Variants in LRMDA observed in about 807,000 individuals in gnomAD.
LRMDA encodes the protein leucine-rich melanocyte differentiation-associated protein.
A neutral mutation model predicts 29.8 loss-of-function variants in LRMDA; 18 were observed. That is an observed-to-expected ratio of 0.60 (90% confidence interval 0.42 to 0.90). LRMDA has a LOEUF of 0.90. LRMDA is among the 40% of genes least tolerant of loss of function. LRMDA has a pLI of 0.00. For missense variants in LRMDA, 273 were observed against 273.9 expected, an observed-to-expected ratio of 1.00 and a Z score of 0.02; for synonymous variants, 125 against 109.4, an observed-to-expected ratio of 1.14 and a Z score of -0.89.
intron 5 of LRMDA, among the ~76,000 whole-genome samples, chr10:76,290,165 C>T (rs973172244): frequency 1.9e-4 from 29 of 152,170 alleles, no homozygotes; most frequent in African/African-American, 6.8e-4. Context: ...CCTAAATACT[C>T]CCAAACTTTA....
chr10:76,513,820 G>T (rs571745940), intron 6 of LRMDA, among the ~76,000 whole-genome samples: 1 of 152,258 alleles, frequency 6.6e-6, no homozygotes, highest in South Asian at 2.1e-4. Flanking sequence ...GGATAGGCAG[G>T]TCAGGTATGT....
At chr10:75,533,665 C>T (rs1845504669) in intron 2 of LRMDA, among the ~76,000 whole-genome samples, 1 of 152,154 alleles carries the variant, frequency 6.6e-6, no homozygotes, top group African/African-American at 2.4e-5. Context: ...AACTTTGAAG[C>T]TTATTCTCTG....
At chr10:75,841,978 G>A (rs1236693816) in intron 2 of LRMDA, among the ~76,000 whole-genome samples, 2 of 152,128 alleles carry the variant, frequency 1.3e-5, no homozygotes, top group Non-Finnish European at 2.9e-5. Context: ...TGAACTCATC[G>A]CTTGTTTAAA....
intron 6 of LRMDA, among the ~76,000 whole-genome samples, chr10:76,388,078 G>C (rs1841681433): frequency 6.6e-6 from 1 of 152,192 alleles, no homozygotes. Flanking sequence ...TACCATGCTA[G>C]ATCCTGTAAC....
intron 5 of LRMDA, among the ~76,000 whole-genome samples, chr10:76,161,641 C>T (rs1005395689): frequency 2.0e-5 from 3 of 152,144 alleles, no homozygotes; most frequent in Admixed American, 1.3e-4. Flanking sequence ...CAGACTACAA[C>T]GCATGAAACA....
In LRMDA at chr10:75,913,103, G is replaced by A. The variant is rs1253845881; in HGVS notation, c.132-122905G>A. 2.6e-5 allele frequency among the ~76,000 whole-genome samples: 4 copies of A among 152,114 alleles called. No individual in the cohort carries two copies. The East Asian group carries it at 7.7e-4, about 29-fold the overall frequency. On this transcript the variant is annotated intron_variant, in intron 2 of 6. Coordinates refer to ENST00000611255, the MANE Select transcript of LRMDA (RefSeq NM_001305581.2). ...TCCCTTCCCACCTAAAAAACTGCTA[G>A]TAGTTTTTTTTCTTAATGATTAGAT...
Position 76,028,617 on chromosome 10 carries a change from CA to C in LRMDA, c.132-7385del, listed in dbSNP as rs370612851. Among the ~76,000 whole-genome samples the C allele has an allele frequency of 2.8e-4, 43 of 151,688 alleles. No homozygotes were observed. In the East Asian group the frequency reaches 5.0e-3, roughly 18 times the overall value. On this transcript the variant is annotated intron_variant, in intron 2 of 6. Transcript: ENST00000611255. ...AACATCTCCTTAACCAAGCCACTGG[CA>C]AAAAACAAAAACAACAAAAAACAAA...
intron 2 of LRMDA, among the ~76,000 whole-genome samples, chr10:75,563,327 C>G (rs998629470): frequency 6.6e-6 from 1 of 152,202 alleles, no homozygotes; most frequent in East Asian, 1.9e-4. Context: ...TGCATTGGCT[C>G]CTGAGGCTTC....
At chr10:75,719,017 A>T (rs1053535141) in intron 2 of LRMDA, among the ~76,000 whole-genome samples, 3 of 152,232 alleles carry the variant, frequency 2.0e-5, no homozygotes, top group Non-Finnish European at 2.9e-5. Context: ...CATCAGAAAG[A>T]TCCCTAAGAG....
intron 2 of LRMDA, among the ~76,000 whole-genome samples, chr10:75,587,671 C>T (rs1840673536): frequency 6.6e-6 from 1 of 152,202 alleles, no homozygotes; most frequent in Non-Finnish European, 1.5e-5. Context: ...TAACTTGAAC[C>T]TGGAAAGAAT....
At chr10:76,137,627 G>C (rs1197445639) in intron 5 of LRMDA, among the ~76,000 whole-genome samples, 1 of 152,066 alleles carries the variant, frequency 6.6e-6, no homozygotes, top group Non-Finnish European at 1.5e-5. Context: ...CTGTAGCTAG[G>C]CCCTTCCTTT....
At chr10:75,867,225 C>T (rs1845034820) in intron 2 of LRMDA, among the ~76,000 whole-genome samples, 1 of 152,052 alleles carries the variant, frequency 6.6e-6, no homozygotes. Context: ...TGCAGTGGTG[C>T]AATCTCAGCT....
intron 2 of LRMDA, among the ~76,000 whole-genome samples, chr10:75,995,041 T>C (rs1318976080): frequency 6.6e-6 from 1 of 152,194 alleles, no homozygotes; most frequent in African/African-American, 2.4e-5. Context: ...CCATTATATA[T>C]TTTGGAATGC....
At chr10:75,505,546 C>T (rs1485755859) in intron 2 of LRMDA, among the ~76,000 whole-genome samples, 8 of 152,300 alleles carry the variant, frequency 5.3e-5, no homozygotes, top group East Asian at 1.9e-4. Context: ...TCATTTTGTG[C>T]TGTTTAGATC....
chr10:75,668,536 C>A (rs1446516464), intron 2 of LRMDA, among the ~76,000 whole-genome samples: 1 of 152,154 alleles, frequency 6.6e-6, no homozygotes, highest in Non-Finnish European at 1.5e-5. Flanking sequence ...AGTGTAATGC[C>A]ATGAAGACAA....
At chr10:76,261,087 C>T (rs147234377) in intron 5 of LRMDA, among the ~76,000 whole-genome samples, 6,579 of 91,072 alleles carry the variant, frequency 0.072, 568 homozygotes, top group African/African-American at 0.24. Flanking sequence ...TTTTTTGAGA[C>T]GGAGTCTCGC....
At chr10:75,640,832 TC>T (rs1325079462) in intron 2 of LRMDA, among the ~76,000 whole-genome samples, 1 of 152,204 alleles carries the variant, frequency 6.6e-6, no homozygotes, top group African/African-American at 2.4e-5. Flanking sequence ...TATATTTTTT[TC>T]CCCCATGCCA....
intron 2 of LRMDA, among the ~76,000 whole-genome samples, chr10:75,925,765 G>T (rs1846110835): frequency 6.6e-6 from 1 of 151,688 alleles, no homozygotes; most frequent in Non-Finnish European, 1.5e-5. Context: ...TGATTCTCCT[G>T]TCTCAGTCTC....
intron 2 of LRMDA, among the ~76,000 whole-genome samples, chr10:75,754,697 A>G (rs1487300335): frequency 1.3e-5 from 2 of 152,108 alleles, no homozygotes; most frequent in Admixed American, 6.6e-5. Context: ...AGCATTTTTA[A>G]TAGCTGTTCT....
Sources: gnomAD v4.1 joint callset for allele counts (sites outside exome capture counted in the v4.1 genomes callset) on GRCh38, gnomAD v4.1.1 for gene constraint, MANE v1.5 for transcripts, NCBI Gene and HGNC (gene_info 2026-07-23, HGNC 2026-07-21) for gene names.